Variants in TNS1 observed in about 807,000 individuals in gnomAD.
TNS1 encodes tensin 1.
TNS1 carries 62 observed loss-of-function variants against 168.6 expected under a neutral mutation model. The observed-to-expected ratio is 0.37, with a 90% CI of 0.30 to 0.45. The LOEUF (loss-of-function observed/expected upper bound fraction) is 0.45. TNS1 is among the 20% of genes least tolerant of loss of function. The pLI is 1.00. For synonymous variants in TNS1, 934 were observed against 933.2 expected (o/e 1.00, Z -0.02); for missense variants, 2,240 against 2,339.4 (o/e 0.96, Z 0.88).
chr2:217,851,486 G>C, intron 18 of TNS1, among the ~76,000 whole-genome samples: 1 of 150,556 alleles, frequency 6.6e-6, no homozygotes, highest in East Asian at 2.0e-4. Flanking sequence ...CCAGGGACTG[G>C]ATGCCCTCCT....
chr2:217,999,317 A>T (rs965506790), intron 1 of TNS1, among the ~76,000 whole-genome samples: 4 of 152,172 alleles, frequency 2.6e-5, no homozygotes, highest in East Asian at 3.9e-4. Flanking sequence ...CATGTGAGAG[A>T]CACTTTTCTA....
chr2:217,898,062 C>A, intron 7 of TNS1, 93 bp from the exon 8 acceptor site: 1 of 1,367,936 alleles, frequency 7.3e-7, no homozygotes, highest in Non-Finnish European at 9.7e-7. Context: ...CCCTGTGTGA[C>A]CCCCATATGC....
chr2:217,940,403 G>T (rs1956853192), intron 3 of TNS1, among the ~76,000 whole-genome samples: 2 of 152,176 alleles, frequency 1.3e-5, no homozygotes, highest in Non-Finnish European at 2.9e-5. Flanking sequence ...ACTGAGCCAA[G>T]AAACCAGAGG....
intron 2 of TNS1, among the ~76,000 whole-genome samples, chr2:217,984,611 C>G (rs1958144003): frequency 6.6e-6 from 1 of 152,030 alleles, no homozygotes; most frequent in African/African-American, 2.4e-5. Flanking sequence ...ACCTCAGCCT[C>G]TGGAGTATCT....
At chr2:217,876,978 G>T (rs547438100) in intron 18 of TNS1, among the ~76,000 whole-genome samples, 1 of 152,268 alleles carries the variant, frequency 6.6e-6, no homozygotes, top group East Asian at 1.9e-4. Flanking sequence ...TCAGGCATGG[G>T]ATTCACCAGA....
chr2:217,900,690 C>T (rs1046289642), intron 6 of TNS1, 178 bp from the exon 7 acceptor site: 1 of 669,814 alleles, frequency 1.5e-6, no homozygotes, highest in Non-Finnish European at 2.6e-6. Context: ...GCCATCAACA[C>T]TGATTCCACG....
chr2:217,904,379 C>T (rs562062155), intron 6 of TNS1, among the ~76,000 whole-genome samples: 42 of 152,328 alleles, frequency 2.8e-4, no homozygotes, highest in Admixed American at 2.1e-3. Context: ...CCTCCTCCCC[C>T]GGGGTGGACT....
chr2:217,984,474 C>T (rs963403320), intron 2 of TNS1, among the ~76,000 whole-genome samples: 8 of 151,702 alleles, frequency 5.3e-5, no homozygotes, highest in African/African-American at 1.9e-4. Context: ...ATGCACCCAA[C>T]TCTTTCTTTC....
intron 22 of TNS1, among the ~76,000 whole-genome samples, chr2:217,828,663 C>T (rs748783728): frequency 1.1e-4 from 17 of 152,214 alleles, no homozygotes; most frequent in Non-Finnish European, 2.5e-4. Context: ...ATTATGCCCC[C>T]TCTCTGCTTC....
chr2:217,931,260 C>T (rs1441966289), intron 3 of TNS1, among the ~76,000 whole-genome samples: 1 of 152,188 alleles, frequency 6.6e-6, no homozygotes, highest in African/African-American at 2.4e-5. Context: ...CGAGGCTGCC[C>T]ACCCCAACCC....
At chr2:217,905,041 T>C (rs1953487365) in intron 6 of TNS1, among the ~76,000 whole-genome samples, 1 of 152,186 alleles carries the variant, frequency 6.6e-6, no homozygotes, top group South Asian at 2.1e-4. Context: ...GCCTCTGCCA[T>C]ACAGGGGTGT....
At chr2:217,938,837 C>T (rs541439961) in intron 3 of TNS1, among the ~76,000 whole-genome samples, 2 of 152,246 alleles carry the variant, frequency 1.3e-5, no homozygotes, top group Admixed American at 6.5e-5. Flanking sequence ...ACAAGACCTC[C>T]GGAGGGCCGC....
intron 3 of TNS1, among the ~76,000 whole-genome samples, chr2:217,965,034 G>T (rs560481401): frequency 7.9e-5 from 12 of 152,322 alleles, no homozygotes; most frequent in African/African-American, 2.6e-4. Context: ...AACTGCAGGG[G>T]AGGGGAATAC....
chr2:218,026,630 A>G (rs1394482904), intron 1 of TNS1, among the ~76,000 whole-genome samples: 1 of 152,196 alleles, frequency 6.6e-6, no homozygotes, highest in East Asian at 1.9e-4. Flanking sequence ...ACTTCTGGCC[A>G]TCCTTGACCA....
chr2:217,891,000 C>G lies in TNS1; in HGVS notation c.828G>C (p.Glu276Asp). ...GCTGGCCAATGGGCACAATCTTATCCTCATAGAACCGCTTCATTGCAAACC... is the reference window on the plus strand; with the variant it reads ...GCTGGCCAATGGGCACAATCTTATCGTCATAGAACCGCTTCATTGCAAACC... ...LDRFAMKRFYEDKIVPIGQPS... is the reference protein window; with the variant it reads ...LDRFAMKRFYDDKIVPIGQPS... The change falls in exon 12 of 33, where the codon GAG becomes GAC. Residue 276 changes from glutamate (E) to aspartate (D), a missense_variant. Around this residue, in one of 2 missense-constraint regions of TNS1, gnomAD observed 2,131 missense variants for 2,171.2 expected, o/e 0.98. Transcript: ENST00000682258. 1 of 1,614,220 alleles carries G rather than the reference C, an allele frequency of 6.2e-7. No homozygotes were observed. The highest frequency in any genetic ancestry group is 1.1e-5 in the South Asian group (1 of 91,086).
intron 3 of TNS1, among the ~76,000 whole-genome samples, chr2:217,938,948 CACCAGCAT>C (rs947082911): frequency 5.3e-5 from 8 of 152,074 alleles, no homozygotes; most frequent in Non-Finnish European, 1.0e-4. Flanking sequence ...GGGAAAATGA[CACCAGCAT>C]CTTCTCCACT....
intron 3 of TNS1, among the ~76,000 whole-genome samples, chr2:217,950,398 G>T (rs536961911): frequency 6.6e-6 from 1 of 152,252 alleles, no homozygotes; most frequent in Non-Finnish European, 1.5e-5. Flanking sequence ...GAAACTACCA[G>T]GAGCAGCTGC....
At chr2:218,022,161 A>T (rs112486183) in intron 1 of TNS1, among the ~76,000 whole-genome samples, 1,937 of 152,014 alleles carry the variant, frequency 0.013, 44 homozygotes, top group African/African-American at 0.044. Context: ...GGAGGAGGAG[A>T]GGGGGCAGGA....
chr2:217,859,813 C>T (rs1010166222), intron 18 of TNS1: 7 of 782,492 alleles, frequency 8.9e-6, no homozygotes, highest in Admixed American at 4.3e-5. Flanking sequence ...GGTGAACGGC[C>T]CTCAAGTTCC....
Sources: gnomAD v4.1 joint callset for allele counts (sites outside exome capture counted in the v4.1 genomes callset) on GRCh38, gnomAD v4.1.1 for gene constraint, gnomAD v4.1.1 regional missense constraint, MANE v1.5 for transcripts, NCBI Gene and HGNC (gene_info 2026-07-23, HGNC 2026-07-21) for gene names.